The following CD8B2 variants were observed in gnomAD, a reference collection of about 807,000 sequenced individuals.
The protein encoded by CD8B2 is CD8B family member 2, also known as T-cell surface glycoprotein CD8 beta-2 chain.
In CD8B2, 11 loss-of-function variants were observed where a neutral mutation model predicts 23.7. The ratio of observed to expected loss-of-function variants is 0.46; its 90% CI spans 0.29 to 0.77. CD8B2 has a LOEUF of 0.77. Ranked by LOEUF, CD8B2 falls within the 30% of genes least tolerant of loss-of-function variation. The pLI is 0.09. For synonymous variants in CD8B2, 90 were observed against 109.3 expected, an observed-to-expected ratio of 0.82 and a Z score of 1.10; for missense variants, 197 against 270.5, an observed-to-expected ratio of 0.73 and a Z score of 1.91.
chr2:106,497,203 G>A (rs1265094717), intron 3 of CD8B2, among the ~76,000 whole-genome samples: 2 of 152,222 alleles, frequency 1.3e-5, no homozygotes, highest in African/African-American at 4.8e-5. Context: ...AGCCTGGGAG[G>A]TGGAGATTGA....
intron 1 of CD8B2, among the ~76,000 whole-genome samples, chr2:106,488,353 G>T (rs1679122479): frequency 1.3e-5 from 2 of 151,882 alleles, no homozygotes; most frequent in East Asian, 3.9e-4. Flanking sequence ...GGAACATGCA[G>T]TGAGGCCTGG....
In CD8B2 at chr2:106,507,038, G is replaced by A. The variant is rs1280265574; in HGVS notation, c.*98G>A. 1.3e-4 allele frequency: 194 copies of A among 1,500,052 alleles called. 1 individual carries two copies. The highest frequency in any genetic ancestry group is 1.7e-4 in the Non-Finnish European group (189 of 1,122,928). The allele number at this position is 1,500,052 out of a possible 1,614,324, so 92.9% of individuals were successfully genotyped here. A position where few individuals can be genotyped will look rare whatever the true frequency, so the allele number is the denominator to read the frequency against. ...GAGAAGGGACACATTCAACCCTGGA[G>A]AGTTCAATGGCTGCTGAAGCTGCCT... On this transcript the variant is annotated 3_prime_UTR_variant, in exon 6 of 6. Transcript: ENST00000643224.
chr2:106,538,923 C>T lies in CD8B2; in HGVS notation c.621-5069C>T, dbSNP rs540488196. On this transcript the variant is annotated intron_variant, in intron 5 of 5. Coordinates refer to the CD8B2 transcript ENST00000416057. The stretch of plus-strand genomic sequence containing the variant: ...GTGTCCCCCTCCCAGAGCTTGTGCA[C>T]GGTGTGACTGTTTATCTGTGTGACT... 1.1e-3 allele frequency among the ~76,000 whole-genome samples: 165 copies of T among 152,278 alleles called. 3 individuals carry two copies. The highest frequency in any genetic ancestry group is 6.8e-3 in the Middle Eastern group (2 of 294).
Position 106,507,054 on chromosome 2 carries a change from G to T in CD8B2, c.*114G>T. ...AACCCTGGAGAGTTCAATGGCTGCT[G>T]AAGCTGCCTGCTTTTCACTGCTGCA... On this transcript the variant is annotated 3_prime_UTR_variant, in exon 6 of 6. Transcript: ENST00000643224. 10 of 1,502,364 alleles carry T rather than the reference G, an allele frequency of 6.7e-6. No individual in the cohort carries two copies. The highest frequency in any genetic ancestry group is 8.9e-6 in the Non-Finnish European group (10 of 1,124,866). The allele number at this position is 1,502,364 out of a possible 1,614,324, so 93.1% of individuals were successfully genotyped here. A position where few individuals can be genotyped will look rare whatever the true frequency, so the allele number is the denominator to read the frequency against.
In CD8B2 at chr2:106,487,392, G is replaced by A. The variant is rs567421939; in HGVS notation, c.-35G>A. 3.6e-4 allele frequency: 435 copies of A among 1,204,102 alleles called. 3 individuals are homozygous for A. The East Asian group carries it at 0.013, about 35-fold the overall frequency. The allele number at this position is 1,204,102 out of a possible 1,614,324, so 74.6% of individuals were successfully genotyped here. A position where few individuals can be genotyped will look rare whatever the true frequency, so the allele number is the denominator to read the frequency against. ...CACCCCAGCCGCGACTGTCTCCGCC[G>A]AGCCCCCGGGGCCAGGTGTCCCGGG... On this transcript the variant is annotated 5_prime_UTR_variant, in exon 1 of 6. Coordinates refer to ENST00000643224, the MANE Select transcript of CD8B2 (RefSeq NM_001349727.2).
chr2:106,504,512 G>A (rs1442436787), intron 5 of CD8B2, among the ~76,000 whole-genome samples, 187 bp downstream of exon 5: 12 of 152,084 alleles, frequency 7.9e-5, no homozygotes, highest in African/African-American at 2.9e-4. Flanking sequence ...CTTGAGCCCA[G>A]GGGTTCAAGG....
Position 106,496,040 on chromosome 2 carries a change from C to T in CD8B2, c.404-133C>T, listed in dbSNP as rs1156750823. On this transcript the variant is annotated intron_variant, in intron 2 of 5. Transcript: ENST00000643224. ...TCTCAACCTCCCGAGCTCAAATGAT[C>T]TCCTGCCTTGGCCTCCGGAAGTGTT... The T allele has an allele frequency of 1.3e-4, 187 of 1,449,006 alleles. 3 individuals carry two copies. The South Asian group carries it at 2.2e-3, about 17-fold the overall frequency. 89.8% of individuals were successfully genotyped at this position (1,449,006 alleles called of 1,614,324 possible). A position where few individuals can be genotyped will look rare whatever the true frequency, so the allele number is the denominator to read the frequency against.
chr2:106,503,121 C>G lies in CD8B2; in HGVS notation c.583+558C>G, dbSNP rs371662767. On this transcript the variant is annotated intron_variant, in intron 4 of 5. Coordinates refer to ENST00000643224, the MANE Select transcript of CD8B2 (RefSeq NM_001349727.2). ...TTCCTTCTATGGCCCCCACCCCAAG[C>G]TCTGCACAGCACTGGGTTCACAAGA... Among the ~76,000 whole-genome samples the G allele has an allele frequency of 9.2e-3, 1,379 of 150,236 alleles. 26 individuals are homozygous for G. The highest frequency in any genetic ancestry group is 0.032 in the African/African-American group (1,288 of 40,706).
intron 5 of CD8B2, among the ~76,000 whole-genome samples, chr2:106,540,610 G>A (rs1268357394): frequency 2.0e-5 from 3 of 151,890 alleles, no homozygotes; most frequent in African/African-American, 7.3e-5. Context: ...TGTCACCCAG[G>A]CTAGAGTGCA....
chr2:106,527,768 G>A lies in CD8B2; in HGVS notation c.621-16224G>A, dbSNP rs558206799. ...ACTGCACTCCAGCCTGGGCCACAGA[G>A]CGAGACTTTGTCTCAAAAACAAACC... On this transcript the variant is annotated intron_variant, in intron 5 of 5. Coordinates refer to the CD8B2 transcript ENST00000416057. Among the ~76,000 whole-genome samples the A allele has an allele frequency of 3.9e-5, 6 of 151,988 alleles. No homozygotes were observed. In the South Asian group the frequency reaches 1.2e-3, roughly 32 times the overall value.
intron 5 of CD8B2, among the ~76,000 whole-genome samples, chr2:106,535,575 G>A (rs527796897): frequency 2.6e-5 from 4 of 152,172 alleles, no homozygotes; most frequent in South Asian, 4.1e-4. Flanking sequence ...TTCCATCACC[G>A]TAATACAATT....
chr2:106,523,502 C>T (rs1049297503), intron 5 of CD8B2, among the ~76,000 whole-genome samples: 1 of 152,086 alleles, frequency 6.6e-6, no homozygotes, highest in Non-Finnish European at 1.5e-5. Context: ...TGACTGGAGG[C>T]TGTCGGTCTG....
intron 5 of CD8B2, among the ~76,000 whole-genome samples, chr2:106,534,054 G>A (rs1680049517): frequency 6.6e-6 from 1 of 152,224 alleles, no homozygotes; most frequent in Non-Finnish European, 1.5e-5. Context: ...AAAAACTCAG[G>A]TGTAGGTACA....
chr2:106,526,151 G>C (rs1679903561), intron 5 of CD8B2, among the ~76,000 whole-genome samples: 1 of 151,170 alleles, frequency 6.6e-6, no homozygotes, highest in Non-Finnish European at 1.5e-5. Context: ...TGGGGCAGGA[G>C]AATCACTTGA....
intron 1 of CD8B2, 93 bp from the exon 2 acceptor site, chr2:106,490,781 G>T (rs1679179051): frequency 6.6e-7 from 1 of 1,525,036 alleles, no homozygotes; most frequent in Non-Finnish European, 8.8e-7. Context: ...TTCTTCCATG[G>T]CTTTTCCTTT....
chr2:106,527,805 AAAAAC>A (rs1679935298), intron 5 of CD8B2, among the ~76,000 whole-genome samples: 1 of 59,462 alleles, frequency 1.7e-5, no homozygotes. Context: ...AAACAAAACA[AAAAAC>A]AAACAAACAA....
intron 5 of CD8B2, among the ~76,000 whole-genome samples, chr2:106,539,146 G>A (rs57883569): frequency 1.3e-5 from 2 of 152,280 alleles, no homozygotes; most frequent in East Asian, 1.9e-4. Context: ...CTGTGTTGAT[G>A]AGTGAGGCAC....
chr2:106,519,586 C>T (rs901444250), intron 5 of CD8B2, among the ~76,000 whole-genome samples: 30 of 152,212 alleles, frequency 2.0e-4, no homozygotes, highest in African/African-American at 6.7e-4. Context: ...AACCCTGTGA[C>T]GAAGACCATG....
intron 5 of CD8B2, chr2:106,521,579 G>C (rs1679827109): frequency 6.6e-6 from 1 of 152,242 alleles, no homozygotes; most frequent in Admixed American, 6.5e-5. Flanking sequence ...AATCCCACAA[G>C]AGAAGTGACT....
Sources: allele counts gnomAD v4.1 joint callset (sites outside exome capture counted in the v4.1 genomes callset), GRCh38; gene constraint gnomAD v4.1.1; transcripts MANE v1.5; gene names NCBI Gene and HGNC (gene_info 2026-07-23, HGNC 2026-07-21).